The following RAB38 variants were observed in gnomAD, a reference collection of about 807,000 sequenced individuals.
RAB38 encodes the protein RAB38, member RAS oncogene family.
In RAB38, 15 loss-of-function variants were observed where a neutral mutation model predicts 18.4. That is an observed-to-expected ratio of 0.82 (90% CI 0.55 to 1.26). The LOEUF is 1.26. Among genes scored for constraint, RAB38 ranks in the 50% most tolerant of loss-of-function variants. The pLI is 0.00. For synonymous variants in RAB38, 101 were observed against 104.4 expected (o/e 0.97, Z 0.20); for missense variants, 294 against 267.4 (o/e 1.10, Z -0.69).
the RAB38 span, among the ~76,000 whole-genome samples, chr11:87,906,000 T>G: frequency 6.6e-6 from 1 of 152,006 alleles, no homozygotes; most frequent in Non-Finnish European, 1.5e-5. Flanking sequence ...GTGCTATGGG[T>G]GCCTCAGAGC....
rs765412355 is a variant in RAB38 at position 88,149,743 on chromosome 11, TG to T, written c.414del (p.Asn138LysfsTer16). ...KCDQGKDVLM[N>X]NGLKMDQFCK... ...CAGAACTGGTCCATCTTGAGGCCAT[TG>T]TTCATGAGCACATCCTTCCCCTGGT... is the stretch of plus-strand genomic sequence containing the variant. On this transcript the variant is annotated frameshift_variant, in exon 2 of 3. Transcript: ENST00000243662. LOFTEE classifies it high-confidence loss of function. 1 of 1,614,182 alleles carries T rather than the reference TG, an allele frequency of 6.2e-7. No homozygotes were observed. The highest frequency in any genetic ancestry group is 8.5e-7 in the Non-Finnish European group (1 of 1,180,028).
chr11:88,037,432 A>C, the RAB38 span, among the ~76,000 whole-genome samples: 1 of 152,146 alleles, frequency 6.6e-6, no homozygotes, highest in Non-Finnish European at 1.5e-5. Flanking sequence ...ATATTTTATT[A>C]ATTTATAATT....
chr11:88,051,691 C>T, the RAB38 span, among the ~76,000 whole-genome samples: 1 of 152,220 alleles, frequency 6.6e-6, no homozygotes, highest in African/African-American at 2.4e-5. Context: ...AATTATCTGA[C>T]AAAGTCTATA....
chr11:87,941,228 T>TATATAG, the RAB38 span, among the ~76,000 whole-genome samples: 2 of 120,512 alleles, frequency 1.7e-5, no homozygotes, highest in African/African-American at 6.2e-5. Flanking sequence ...TATATATATA[T>TATATAG]ATATATATAT....
At chr11:87,973,850 A>G in the RAB38 span, among the ~76,000 whole-genome samples, 1 of 151,950 alleles carries the variant, frequency 6.6e-6, no homozygotes, top group South Asian at 2.1e-4. Flanking sequence ...TTGCTCATTC[A>G]TTTGAGATCT....
the RAB38 span, among the ~76,000 whole-genome samples, chr11:88,106,967 C>G: frequency 1.3e-5 from 2 of 152,032 alleles, no homozygotes; most frequent in South Asian, 4.1e-4. Flanking sequence ...AAGTACTAGA[C>G]AGAGAAGAGC....
chr11:87,959,855 T>C, the RAB38 span, among the ~76,000 whole-genome samples: 1 of 152,170 alleles, frequency 6.6e-6, no homozygotes, highest in Non-Finnish European at 1.5e-5. Context: ...CCTGAGTCCT[T>C]AGATGACCTT....
intron 1 of RAB38, among the ~76,000 whole-genome samples, chr11:88,154,434 T>C (rs1317081448): frequency 6.6e-6 from 1 of 152,180 alleles, no homozygotes; most frequent in East Asian, 1.9e-4. Context: ...CTGCAGTTTC[T>C]ACTGGGCAGT....
At chr11:88,139,905 A>G (rs1942885161) in intron 2 of RAB38, among the ~76,000 whole-genome samples, 1 of 152,230 alleles carries the variant, frequency 6.6e-6, no homozygotes, top group Non-Finnish European at 1.5e-5. Flanking sequence ...TTTCTTTCTT[A>G]GTAAAAAAGA....
the RAB38 span, among the ~76,000 whole-genome samples, chr11:87,822,585 C>T: frequency 6.6e-6 from 1 of 152,194 alleles, no homozygotes; most frequent in Non-Finnish European, 1.5e-5. Context: ...GTGAAACTCT[C>T]ACAGTGCTAT....
chr11:88,028,749 C>T, the RAB38 span, among the ~76,000 whole-genome samples: 3 of 152,158 alleles, frequency 2.0e-5, no homozygotes, highest in Non-Finnish European at 2.9e-5. Flanking sequence ...AAATCTACGT[C>T]TGATTGGTGT....
the RAB38 span, among the ~76,000 whole-genome samples, chr11:88,093,618 G>T: frequency 6.6e-6 from 1 of 151,824 alleles, no homozygotes; most frequent in Non-Finnish European, 1.5e-5. Context: ...CTCCACTGCT[G>T]CTTTCAATCC....
chr11:87,814,546 A>G, the RAB38 span, among the ~76,000 whole-genome samples: 1 of 152,190 alleles, frequency 6.6e-6, no homozygotes, highest in Non-Finnish European at 1.5e-5. Context: ...CTGACATGGT[A>G]AAGTGTGTGC....
the RAB38 span, among the ~76,000 whole-genome samples, chr11:87,849,397 C>T: frequency 7.2e-5 from 11 of 152,154 alleles, no homozygotes; most frequent in African/African-American, 2.7e-4. Flanking sequence ...CAGCTGAGAT[C>T]TGTTTGCTCA....
chr11:87,871,186 C>T, the RAB38 span, among the ~76,000 whole-genome samples: 1 of 151,590 alleles, frequency 6.6e-6, no homozygotes, highest in Admixed American at 6.6e-5. Context: ...TTTGTCAAAG[C>T]ATGTCATTGT....
At chr11:88,076,478 A>C in the RAB38 span, among the ~76,000 whole-genome samples, 1 of 152,172 alleles carries the variant, frequency 6.6e-6, no homozygotes, top group African/African-American at 2.4e-5. Context: ...AAAGAAGTCA[A>C]ATTAGCTATG....
At chr11:88,039,260 G>C in the RAB38 span, among the ~76,000 whole-genome samples, 4 of 152,074 alleles carry the variant, frequency 2.6e-5, no homozygotes, top group Non-Finnish European at 5.9e-5. Flanking sequence ...CTTGGAATTA[G>C]GAAGTTTTGA....
chr11:87,866,010 T>A, the RAB38 span, among the ~76,000 whole-genome samples: 1 of 151,722 alleles, frequency 6.6e-6, no homozygotes, highest in African/African-American at 2.4e-5. Context: ...ATAGAAAATA[T>A]TATCAATTTT....
chr11:88,052,915 TATATATATATATATATATA>T, the RAB38 span, among the ~76,000 whole-genome samples: 2 of 18,922 alleles, frequency 1.1e-4, no homozygotes, highest in African/African-American at 2.9e-4. Flanking sequence ...TATATATATA[TATATATATATATATATATA>T]TATATATATA....
Sources: allele counts gnomAD v4.1 joint callset (sites outside exome capture counted in the v4.1 genomes callset), GRCh38; gene constraint gnomAD v4.1.1; transcripts MANE v1.5; gene names NCBI Gene and HGNC (gene_info 2026-07-23, HGNC 2026-07-21).